Variants in PEX2 observed in about 807,000 individuals in gnomAD.
PEX2 encodes the protein peroxisome biogenesis factor 2.
Under a neutral mutation model 25.2 loss-of-function variants are expected in PEX2, and 19 were observed. That is an observed-to-expected ratio of 0.75 (90% CI 0.53 to 1.10). PEX2 has a LOEUF of 1.10. PEX2 is among the 50% of genes least tolerant of loss of function. The pLI is 0.00. For missense variants in PEX2, 347 were observed against 350.6 expected (o/e 0.99, Z 0.08); for synonymous variants, 141 against 127.7 (o/e 1.10, Z -0.70).
chr8:76,988,283 A>G (rs1291897590), intron 2 of PEX2, 24 bp downstream of exon 2: 1 of 152,256 alleles, frequency 6.6e-6, no homozygotes, highest in Non-Finnish European at 1.5e-5. Flanking sequence ...ACTTCATCAG[A>G]ATCACATAAG....
upstream of PEX2, chr8:77,000,147 A>G: frequency 3.0e-6 from 1 of 338,082 alleles, no homozygotes; most frequent in South Asian, 2.2e-5. Flanking sequence ...AAAAAAAAAG[A>G]AAAAGTTACA....
intron 1 of PEX2, among the ~76,000 whole-genome samples, chr8:76,995,610 G>A (rs1434017673): frequency 6.6e-6 from 1 of 151,978 alleles, no homozygotes; most frequent in Non-Finnish European, 1.5e-5. Context: ...AGTTATTCAA[G>A]TATCTAAAAC....
chr8:76,998,861 G>A (rs1211136726), intron 1 of PEX2, among the ~76,000 whole-genome samples: 1 of 151,932 alleles, frequency 6.6e-6, no homozygotes, highest in African/African-American at 2.4e-5. Flanking sequence ...ATTGTACAAA[G>A]GCAACTAGAG....
intron 1 of PEX2, among the ~76,000 whole-genome samples, chr8:76,994,768 A>T (rs1314045169): frequency 6.6e-6 from 1 of 152,158 alleles, no homozygotes; most frequent in Non-Finnish European, 1.5e-5. Flanking sequence ...ACACCATCTT[A>T]AATGTTCTGG....
At chr8:76,993,999 C>G (rs528049885) in intron 1 of PEX2, among the ~76,000 whole-genome samples, 1 of 152,146 alleles carries the variant, frequency 6.6e-6, no homozygotes, top group South Asian at 2.1e-4. Flanking sequence ...AAAAGTATAG[C>G]ATCTACTAGG....
chr8:76,995,635 T>G (rs761013164), intron 1 of PEX2, among the ~76,000 whole-genome samples: 15 of 152,198 alleles, frequency 9.9e-5, no homozygotes, highest in Non-Finnish European at 1.8e-4. Flanking sequence ...ACAAAATACT[T>G]TTTTTAAACC....
chr8:76,997,764 TA>T (rs1178086149), intron 1 of PEX2, among the ~76,000 whole-genome samples: 1 of 152,110 alleles, frequency 6.6e-6, no homozygotes, highest in Non-Finnish European at 1.5e-5. Context: ...TAGAAGAAGG[TA>T]TTTTTATTGT....
intron 1 of PEX2, among the ~76,000 whole-genome samples, chr8:76,993,142 T>C (rs1367688378): frequency 1.3e-5 from 2 of 152,192 alleles, no homozygotes; most frequent in Non-Finnish European, 2.9e-5. Flanking sequence ...AGAGACTGGC[T>C]GAAGTGTCAA....
rs1401347852 is a variant in PEX2, at chr8:76,986,208, C to T, written c.-39G>A. 1 of 152,156 alleles carries T rather than the reference C, an allele frequency of 6.6e-6. No individual in the cohort carries two copies. The highest frequency in any genetic ancestry group is 1.5e-5 in the Non-Finnish European group (1 of 68,034). 9.4% of individuals were successfully genotyped at this position (152,156 alleles called of 1,614,324 possible). On this transcript the variant is annotated 5_prime_UTR_variant, in exon 3 of 4. Transcript: ENST00000357039. Reference sequence around the variant, plus strand: ...TCACCTTTTTCCTGTTCCTGCAGCTCCCTCAAGACTGGACAGCCTATAGCT... The same window carrying T: ...TCACCTTTTTCCTGTTCCTGCAGCTTCCTCAAGACTGGACAGCCTATAGCT...
intron 1 of PEX2, among the ~76,000 whole-genome samples, chr8:76,991,779 T>C (rs1807176174): frequency 6.6e-6 from 1 of 152,132 alleles, no homozygotes; most frequent in Non-Finnish European, 1.5e-5. Flanking sequence ...CTCGGATTCT[T>C]CTCCTAAAAG....
chr8:77,000,598 C>G (rs542195774), upstream of PEX2, among the ~76,000 whole-genome samples: 10 of 152,308 alleles, frequency 6.6e-5, no homozygotes, highest in African/African-American at 2.4e-4. Flanking sequence ...TTGTGCTGCG[C>G]TTGGAGACCT....
chr8:76,988,085 T>C (rs916108876), intron 2 of PEX2: 1 of 152,232 alleles, frequency 6.6e-6, no homozygotes, highest in Non-Finnish European at 1.5e-5. Context: ...ATCTTGTCTA[T>C]TTGTAACACA....
chr8:76,997,451 C>T (rs1005310006), intron 1 of PEX2, among the ~76,000 whole-genome samples: 2 of 152,234 alleles, frequency 1.3e-5, no homozygotes, highest in South Asian at 2.1e-4. Flanking sequence ...CACCTGTAAT[C>T]CCAGCTACTC....
At chr8:76,999,491 A>G (rs987886554) in intron 1 of PEX2, among the ~76,000 whole-genome samples, 30 of 152,230 alleles carry the variant, frequency 2.0e-4, no homozygotes, top group Non-Finnish European at 2.8e-4. Context: ...GAAACTTTTC[A>G]TTATCTCTTC....
intron 1 of PEX2, among the ~76,000 whole-genome samples, chr8:76,989,077 G>T (rs1044683950): frequency 6.6e-6 from 1 of 151,616 alleles, no homozygotes; most frequent in Non-Finnish European, 1.5e-5. Context: ...CTAAGGGGAG[G>T]CTGACGCAGG....
chr8:76,984,981 GA>G (rs1346456227), intron 3 of PEX2, among the ~76,000 whole-genome samples: 2 of 151,736 alleles, frequency 1.3e-5, no homozygotes, highest in African/African-American at 2.4e-5. Context: ...GTGCTAAAGG[GA>G]AAAAAATTTA....
intron 1 of PEX2, among the ~76,000 whole-genome samples, chr8:76,994,422 C>A (rs1356527732): frequency 6.6e-6 from 1 of 152,032 alleles, no homozygotes; most frequent in Non-Finnish European, 1.5e-5. Context: ...TTGTCAAGGG[C>A]CTGTCAATAT....
chr8:76,990,556 T>TA (rs1245164633), intron 1 of PEX2, among the ~76,000 whole-genome samples: 1 of 152,130 alleles, frequency 6.6e-6, no homozygotes, highest in African/African-American at 2.4e-5. Flanking sequence ...CTTGAACACT[T>TA]AAGAGGCCAT....
In PEX2 at chr8:76,983,510, C is replaced by T. The variant is rs61752127; in HGVS notation, c.669G>A (p.Trp223Ter). 3 of 1,614,006 alleles carry T rather than the reference C, an allele frequency of 1.9e-6. No individual in the cohort carries two copies. Among genetic ancestry groups the T allele is most frequent in the Non-Finnish European group, 2.5e-6 (3 of 1,179,978 alleles). ...VQKLKAKLSS[W>*]CIPLTGAPNS... ...TAGGTGCACCAGTAAGAGGAATACA[C>T]CATGAAGACAGCTTGGCTTTCAACT... is the stretch of plus-strand genomic sequence containing the variant. The change falls in exon 4 of 4, where the codon TGG (tryptophan) becomes TGA (stop). Residue 223 changes from tryptophan (W) to a stop codon, truncating the protein, a stop_gained. Coordinates refer to ENST00000357039, the MANE Select transcript of PEX2 (RefSeq NM_000318.3). LOFTEE classifies it high-confidence loss of function.
Sources: gnomAD v4.1 joint callset for allele counts (sites outside exome capture counted in the v4.1 genomes callset) on GRCh38, gnomAD v4.1.1 for gene constraint, MANE v1.5 for transcripts, NCBI Gene and HGNC (gene_info 2026-07-23, HGNC 2026-07-21) for gene names.